The following ATG10 variants were observed in gnomAD, a reference collection of about 807,000 sequenced individuals.
The protein encoded by ATG10 is autophagy related 10.
A neutral mutation model predicts 32.1 loss-of-function variants in ATG10; 30 were observed. The observed-to-expected ratio is 0.94, with a 90% CI of 0.70 to 1.27. The LOEUF (loss-of-function observed/expected upper bound fraction) is 1.27. Ranked by LOEUF, ATG10 falls within the 50% of genes most tolerant of loss-of-function variation. The probability of loss-of-function intolerance (pLI) is 0.00; values close to 1 mark genes in which losing one functional copy is unlikely to be tolerated. For synonymous variants in ATG10, 87 were observed against 91.5 expected (o/e 0.95, Z 0.28); for missense variants, 233 against 262.3 (o/e 0.89, Z 0.77).
intron 5 of ATG10, among the ~76,000 whole-genome samples, chr5:82,188,401 G>A (rs975153566): frequency 1.8e-4 from 27 of 151,868 alleles, no homozygotes; most frequent in African/African-American, 6.5e-4. Context: ...TTGATCCCTG[G>A]AATTACTATT....
At chr5:82,073,052 A>C (rs1371789787) in intron 3 of ATG10, 1 of 152,184 alleles carries the variant, frequency 6.6e-6, no homozygotes, top group Non-Finnish European at 1.5e-5. Flanking sequence ...ATTTAAGTGA[A>C]GAGAGCTGAG....
intron 5 of ATG10, among the ~76,000 whole-genome samples, chr5:82,226,754 C>A (rs560909919): frequency 1.3e-5 from 2 of 152,226 alleles, no homozygotes; most frequent in East Asian, 3.9e-4. Context: ...TTGAAGGGAG[C>A]ATTTTATGCA....
At chr5:82,183,120 C>CA (rs111241526) in intron 5 of ATG10, among the ~76,000 whole-genome samples, 3 of 150,808 alleles carry the variant, frequency 2.0e-5, no homozygotes, top group Admixed American at 6.6e-5. Flanking sequence ...GGTAAGGACT[C>CA]AAAAAAAACA....
At chr5:82,141,429 A>G (rs557112537) in intron 3 of ATG10, among the ~76,000 whole-genome samples, 2 of 152,298 alleles carry the variant, frequency 1.3e-5, no homozygotes, top group Non-Finnish European at 2.9e-5. Flanking sequence ...TTTACTTAAA[A>G]TATCTGTGGA....
At chr5:82,216,608 G>T (rs1320002298) in intron 5 of ATG10, among the ~76,000 whole-genome samples, 1 of 152,122 alleles carries the variant, frequency 6.6e-6, no homozygotes, top group African/African-American at 2.4e-5. Flanking sequence ...TGACAGACTG[G>T]CAACACTTCA....
rs1215096096 is a variant in ATG10 at position 81,982,736 on chromosome 5, T to G, written c.-12-4823T>G. Among the ~76,000 whole-genome samples the G allele has an allele frequency of 1.1e-3, 169 of 152,268 alleles. 1 individual carries two copies. Among genetic ancestry groups the G allele is most frequent in the Admixed American group, 2.2e-3 (34 of 15,294 alleles). The stretch of plus-strand genomic sequence containing the variant: ...CCTTCCGCAGTGTTTGTGTCCCTGA[T>G]TACTTGAGATTAGGGAGTGGTGATG... On this transcript the variant is annotated intron_variant, in intron 1 of 7. Coordinates refer to ENST00000282185, the MANE Select transcript of ATG10 (RefSeq NM_031482.5).
At chr5:82,128,130 C>T (rs925661127) in intron 3 of ATG10, among the ~76,000 whole-genome samples, 16 of 151,962 alleles carry the variant, frequency 1.1e-4, no homozygotes, top group African/African-American at 3.9e-4. Context: ...TTTTTGCCTT[C>T]CATTTGCTTG....
At chr5:82,053,605 T>G (rs1464219149) in intron 2 of ATG10, among the ~76,000 whole-genome samples, 2 of 152,066 alleles carry the variant, frequency 1.3e-5, no homozygotes. Flanking sequence ...ATTTTGGTCT[T>G]AGGTGAAGGG....
chr5:82,006,616 A>G (rs1030100041), intron 2 of ATG10, among the ~76,000 whole-genome samples: 3 of 152,208 alleles, frequency 2.0e-5, no homozygotes, highest in Non-Finnish European at 4.4e-5. Flanking sequence ...AAGCCATGAA[A>G]TATTGTTTCT....
chr5:82,181,450 A>G (rs1744228228), intron 5 of ATG10, among the ~76,000 whole-genome samples: 1 of 152,100 alleles, frequency 6.6e-6, no homozygotes, highest in Non-Finnish European at 1.5e-5. Flanking sequence ...ATGGGTTGGT[A>G]TTTATATCCT....
chr5:82,171,498 T>C (rs2149911377), intron 4 of ATG10, among the ~76,000 whole-genome samples: 1 of 152,304 alleles, frequency 6.6e-6, no homozygotes, highest in Middle Eastern at 3.4e-3. Flanking sequence ...AAAAGGCTTA[T>C]TGAAGGGTAG....
chr5:82,221,862 T>C (rs1479939198), intron 5 of ATG10, among the ~76,000 whole-genome samples: 1 of 152,216 alleles, frequency 6.6e-6, no homozygotes. Context: ...AAACTCAGCA[T>C]TAATTCTGAG....
intron 3 of ATG10, among the ~76,000 whole-genome samples, chr5:82,138,639 G>C (rs1766872803): frequency 6.6e-6 from 1 of 152,146 alleles, no homozygotes; most frequent in African/African-American, 2.4e-5. Context: ...GTCTTGCTGG[G>C]AGCAGCAGAC....
intron 2 of ATG10, among the ~76,000 whole-genome samples, chr5:82,003,867 T>C (rs187749413): frequency 9.5e-4 from 145 of 152,306 alleles, no homozygotes; most frequent in African/African-American, 3.4e-3. Flanking sequence ...AGGCTGGGAA[T>C]GGTGGCTCAT....
rs144817132 is a variant in ATG10, at chr5:82,190,268, A to G, written c.453+11681A>G. 3.0e-3 allele frequency among the ~76,000 whole-genome samples: 461 copies of G among 152,166 alleles called. 1 individual carries two copies. The highest frequency in any genetic ancestry group is 0.01 in the African/African-American group (424 of 41,536). On this transcript the variant is annotated intron_variant, in intron 5 of 7. Coordinates refer to ENST00000282185, the MANE Select transcript of ATG10 (RefSeq NM_031482.5). Reference sequence around the variant, plus strand: ...ATAAAGAAGAATTATTCATAATCCCAAATGTTAAAAGTTACCACTGTTAAC... The same window carrying G: ...ATAAAGAAGAATTATTCATAATCCCGAATGTTAAAAGTTACCACTGTTAAC...
intron 3 of ATG10, among the ~76,000 whole-genome samples, chr5:82,059,011 A>G (rs1278881009): frequency 1.3e-5 from 2 of 152,126 alleles, no homozygotes; most frequent in African/African-American, 4.8e-5. Context: ...TTCCCTGAAT[A>G]TAGCCCTAGC....
In ATG10 at chr5:82,097,276, C is replaced by T. The variant is rs2149798823; in HGVS notation, c.216+38674C>T. Reference sequence around the variant, plus strand: ...AAAATTTAAAAACACCTTCCTTTTGCCAGAACCCAAATATTCCTGATAAAG... The same window carrying T: ...AAAATTTAAAAACACCTTCCTTTTGTCAGAACCCAAATATTCCTGATAAAG... On this transcript the variant is annotated intron_variant, in intron 3 of 7. Coordinates refer to ENST00000282185, the MANE Select transcript of ATG10 (RefSeq NM_031482.5). Among the ~76,000 whole-genome samples the T allele has an allele frequency of 2.0e-5, 3 of 152,088 alleles. No homozygotes were observed. In the South Asian group the frequency reaches 6.2e-4, roughly 32 times the overall value.
intron 5 of ATG10, among the ~76,000 whole-genome samples, chr5:82,181,406 T>C (rs1744227091): frequency 6.6e-6 from 1 of 152,148 alleles, no homozygotes; most frequent in Non-Finnish European, 1.5e-5. Context: ...AATATTTCCT[T>C]TGGAGATCTT....
At chr5:82,118,298 T>G (rs574984186) in intron 3 of ATG10, among the ~76,000 whole-genome samples, 25 of 140,502 alleles carry the variant, frequency 1.8e-4, no homozygotes, top group Admixed American at 7.2e-4. Flanking sequence ...AGTGTCTTTC[T>G]TGTGTGTGTG....
Sources: allele counts gnomAD v4.1 joint callset (sites outside exome capture counted in the v4.1 genomes callset), GRCh38; gene constraint gnomAD v4.1.1; transcripts MANE v1.5; gene names NCBI Gene and HGNC (gene_info 2026-07-23, HGNC 2026-07-21).